Variants in NOXA1 observed in about 807,000 individuals in gnomAD.
NOXA1 encodes NADPH oxidase activator 1.
NOXA1 carries 56 observed loss-of-function variants against 64.8 expected under a neutral mutation model. That is an observed-to-expected ratio of 0.86 (90% CI 0.70 to 1.08). The LOEUF (loss-of-function observed/expected upper bound fraction) is 1.08. Among genes scored for constraint, NOXA1 ranks in the 50% least tolerant of loss-of-function variants. The pLI is 0.00. For synonymous variants in NOXA1, 295 were observed against 294.8 expected, an observed-to-expected ratio of 1.00 and a Z score of -0.01; for missense variants, 668 against 658.5, an observed-to-expected ratio of 1.01 and a Z score of -0.16.
chr9:137,432,192 A>C (rs1314627930), intron 8 of NOXA1, among the ~76,000 whole-genome samples: 1 of 146,646 alleles, frequency 6.8e-6, no homozygotes, highest in African/African-American at 2.5e-5. Context: ...AGGTGGAAGG[A>C]TTGCTTGAGC....
Position 137,431,716 on chromosome 9 carries a change from C to A in NOXA1, c.804+375C>A, listed in dbSNP as rs568802525. Among the ~76,000 whole-genome samples, 1 of 152,220 alleles carries A rather than the reference C, an allele frequency of 6.6e-6. No individual in the cohort carries two copies. The highest frequency in any genetic ancestry group is 1.9e-4 in the East Asian group (1 of 5,180). Reference sequence around the variant, plus strand: ...GGAGGCAGGACAGCTCTGGAGGGGCCCCAAGGCTCCCGCCCCCCATGGGGG... The same window carrying A: ...GGAGGCAGGACAGCTCTGGAGGGGCACCAAGGCTCCCGCCCCCCATGGGGG... On this transcript the variant is annotated intron_variant, in intron 8 of 13. Transcript: ENST00000683555. This position sits in a 1 kb window ranked among gnomAD's most constrained non-coding sequence, Gnocchi z 5.6.
chr9:137,431,941 C>T lies in NOXA1; in HGVS notation c.804+600C>T, dbSNP rs114524064. Among the ~76,000 whole-genome samples the T allele has an allele frequency of 0.013, 1,902 of 150,938 alleles. 42 individuals carry two copies. Among genetic ancestry groups the T allele is most frequent in the African/African-American group, 0.044 (1,760 of 40,420 alleles). On this transcript the variant is annotated intron_variant, in intron 8 of 13. Coordinates refer to ENST00000683555, the MANE Select transcript of NOXA1 (RefSeq NM_001256067.2). The surrounding 1 kb of genome is among the most constrained non-coding windows in gnomAD (Gnocchi z 5.6). ...ATGCGATCAGGAAGCAGCCCCGGCA[C>T]TCTCTCTTTATGGATGCCCACTTCC...
rs571539907 is a variant in NOXA1 at position 137,426,524 on chromosome 9, G to A, written c.260+194G>A. Among the ~76,000 whole-genome samples the A allele has an allele frequency of 7.2e-5, 11 of 152,206 alleles. No individual in the cohort carries two copies. The East Asian group carries it at 7.8e-4, about 11-fold the overall frequency. ...TGAGCGCCACCCTTGGACACAGGTC[G>A]TGGGGTCCTCACTGCTTACCTGGGC... is the stretch of plus-strand genomic sequence containing the variant. On this transcript the variant is annotated intron_variant, in intron 2 of 13. Coordinates refer to ENST00000683555, the MANE Select transcript of NOXA1 (RefSeq NM_001256067.2).
chr9:137,423,455 C>A lies in NOXA1; in HGVS notation c.-75C>A. The A allele has an allele frequency of 9.6e-7, 1 of 1,041,708 alleles. No individual in the cohort carries two copies. The highest frequency in any genetic ancestry group is 1.2e-6 in the Non-Finnish European group (1 of 826,866). The allele number at this position is 1,041,708 out of a possible 1,614,324, so 64.5% of individuals were successfully genotyped here. A position where few individuals can be genotyped will look rare whatever the true frequency, so the allele number is the denominator to read the frequency against. Reference sequence around the variant, plus strand: ...GCCCGCCTCGGAGACCCCGCAGCCCCGCGCCGCCGCCTGGCCCCGGCCCCG... The same window carrying A: ...GCCCGCCTCGGAGACCCCGCAGCCCAGCGCCGCCGCCTGGCCCCGGCCCCG... On this transcript the variant is annotated 5_prime_UTR_variant, in exon 1 of 14. Coordinates refer to ENST00000683555, the MANE Select transcript of NOXA1 (RefSeq NM_001256067.2).
chr9:137,432,362 A>G (rs900232692), intron 8 of NOXA1, among the ~76,000 whole-genome samples: 2 of 151,922 alleles, frequency 1.3e-5, no homozygotes, highest in East Asian at 3.9e-4. Context: ...GGCGGATCAC[A>G]AGATCAGGAG....
chr9:137,428,807 G>A (rs1291815515), intron 3 of NOXA1, 75 bp from the exon 4 acceptor site: 58 of 1,450,584 alleles, frequency 4.0e-5, no homozygotes, highest in Non-Finnish European at 5.0e-5. Context: ...ACCGAGGGAG[G>A]AGCTGGGTGG....
rs1186585314 is a variant in NOXA1, at chr9:137,433,504, G to A, written c.961G>A (p.Ala321Thr). ...CCTGGTGACTGTCACCGTGCAGTGC[G>A]CCTTCACAGTGGCCCTGAGGGCACG... ...EPLVTVTVQC[A>T]FTVALRARRG... The change falls in exon 11 of 14, where the codon GCC becomes ACC. Residue 321 changes from alanine (A) to threonine (T), a missense_variant. Ala to Thr is a moderately conservative substitution (Grantham distance 58). Coordinates refer to ENST00000683555, the MANE Select transcript of NOXA1 (RefSeq NM_001256067.2). 7 of 1,603,410 alleles carry A rather than the reference G, an allele frequency of 4.4e-6. No individual in the cohort carries two copies. Among genetic ancestry groups the A allele is most frequent in the Admixed American group, 3.4e-5 (2 of 59,474 alleles).
At chr9:137,424,970 C>A (rs11507672) in intron 1 of NOXA1, among the ~76,000 whole-genome samples, 113 of 152,330 alleles carry the variant, frequency 7.4e-4, no homozygotes, top group South Asian at 2.1e-3. Flanking sequence ...TTCATAAAGC[C>A]GATCACGTGA....
Position 137,431,245 on chromosome 9 carries a change from C to T in NOXA1, c.708C>T (p.Ile236=), listed in dbSNP as rs200977764. The T allele has an allele frequency of 4.1e-5, 66 of 1,612,646 alleles. No individual in the cohort carries two copies. The East Asian group carries it at 1.2e-3, about 31-fold the overall frequency. The part of the protein sequence containing the change: ...PGANHDARSL[I]MDSPRAGTHQ... ...TCCCTCCTCTCCCTAGGTCCCTAAT[C>T]ATGGACTCCCCAAGAGCTGGCACCC... Residue 236 remains isoleucine (I), a synonymous_variant, in exon 8 of 14, where the codon ATC becomes ATT. Coordinates refer to ENST00000683555, the MANE Select transcript of NOXA1 (RefSeq NM_001256067.2). The surrounding 1 kb of genome is among the most constrained non-coding windows in gnomAD (Gnocchi z 5.6).
Position 137,431,391 on chromosome 9 carries a change from C to A in NOXA1, c.804+50C>A. 1 of 1,439,538 alleles carries A rather than the reference C, an allele frequency of 6.9e-7. No homozygotes were observed. Among genetic ancestry groups the A allele is most frequent in the Non-Finnish European group, 9.7e-7 (1 of 1,035,482 alleles). The allele number at this position is 1,439,538 out of a possible 1,614,324, so 89.2% of individuals were successfully genotyped here. A position where few individuals can be genotyped will look rare whatever the true frequency, so the allele number is the denominator to read the frequency against. On this transcript the variant is annotated intron_variant, in intron 8 of 13. Transcript: ENST00000683555. The surrounding 1 kb of genome is among the most constrained non-coding windows in gnomAD (Gnocchi z 5.6). ...CTGCTGGGGGTCGGTGCTTCTGCTG[C>A]CTCCGCAGACTGGGGACCACAATGG...
Position 137,433,262 on chromosome 9 carries a change from G to A in NOXA1, c.908G>A (p.Gly303Glu), listed in dbSNP as rs763668069. The A allele has an allele frequency of 8.2e-6, 13 of 1,585,622 alleles. No individual in the cohort carries two copies. The Admixed American group carries it at 2.0e-4, about 25-fold the overall frequency. The change falls in exon 10 of 14, where the codon GGG (glycine) becomes GAG (glutamate). Residue 303 changes from glycine (G) to glutamate (E), a missense_variant and splice_region_variant. Coordinates refer to ENST00000683555, the MANE Select transcript of NOXA1 (RefSeq NM_001256067.2). Reference sequence around the variant, plus strand: ...CCCTGTGAGGACCCCGCGGGTGCTGGGGTAAGAGGCTCTAGACCCTTCACC... The same window carrying A: ...CCCTGTGAGGACCCCGCGGGTGCTGAGGTAAGAGGCTCTAGACCCTTCACC... Reference protein sequence around the residue: ...PGPCEDPAGAGGAGAGGSEPL... With the variant: ...PGPCEDPAGAEGAGAGGSEPL...
Position 137,434,334 on chromosome 9 carries a change from C to G in NOXA1, c.1405C>G (p.Arg469Gly). Residue 469 changes from arginine (R) to glycine (G), a missense_variant, in exon 14 of 14, where the codon CGA (arginine) becomes GGA (glycine). Physicochemically the swap from Arg to Gly is moderately radical, Grantham distance 125. Coordinates refer to ENST00000683555, the MANE Select transcript of NOXA1 (RefSeq NM_001256067.2). ...RMSGAPGRLP[R>G]SQQGDQP is the part of the protein sequence containing the mutation. Reference sequence around the variant, plus strand: ...GTCAGGAGCCCCCGGCCGCCTGCCCCGATCCCAGCAGGGAGATCAGCCCTA... The same window carrying G: ...GTCAGGAGCCCCCGGCCGCCTGCCCGGATCCCAGCAGGGAGATCAGCCCTA... 1 of 1,605,112 alleles carries G rather than the reference C, an allele frequency of 6.2e-7. No homozygotes were observed. The highest frequency in any genetic ancestry group is 2.2e-5 in the East Asian group (1 of 44,774).
At position 137,434,251 on chromosome 9, in the gene NOXA1, G is replaced by C. The variant is rs774946221; in HGVS notation, c.1322G>C (p.Cys441Ser). 6.2e-7 allele frequency: 1 copy of C among 1,610,752 alleles called. No homozygotes were observed. The highest frequency in any genetic ancestry group is 1.7e-5 in the Admixed American group (1 of 59,982). ...EVDQAWLEGH[C>S]DGRIGIFPKC... ...GACCAGGCATGGCTGGAGGGCCACT[G>C]TGACGGCCGCATCGGCATCTTCCCC... Residue 441 changes from cysteine to serine, a missense_variant, in exon 14 of 14, where the codon TGT becomes TCT. By Grantham distance (112) the Cys-to-Ser change is moderately radical. Transcript: ENST00000683555.
At chr9:137,429,161 C>A in intron 4 of NOXA1, 115 bp from the exon 5 acceptor site, 1 of 1,061,242 alleles carries the variant, frequency 9.4e-7, no homozygotes, top group Non-Finnish European at 1.3e-6. Context: ...CTGTGACCTG[C>A]GGGAAGGGGG....
At chr9:137,428,693 G>C (rs1188393025) in intron 3 of NOXA1, among the ~76,000 whole-genome samples, 189 bp from the exon 4 acceptor site, 2 of 142,752 alleles carry the variant, frequency 1.4e-5, no homozygotes, top group African/African-American at 2.6e-5. Context: ...GGAGCTGGGT[G>C]GGGAGACGGG....
At position 137,423,602 on chromosome 9, in the gene NOXA1, C is replaced by G; in HGVS notation, c.73C>G (p.Arg25Gly). Residue 25 changes from arginine to glycine, a missense_variant, in exon 1 of 14, where the codon CGC becomes GGC. Arg to Gly is a moderately radical substitution (Grantham distance 125). Transcript: ENST00000683555. ...AQAVDRGDWA[R>G]ALHLFSGVPA... ...GGCTGTGGATCGTGGGGACTGGGCCCGCGCCTTGCACCTCTTCTCGGGCGT... is the reference window on the plus strand; with the variant it reads ...GGCTGTGGATCGTGGGGACTGGGCCGGCGCCTTGCACCTCTTCTCGGGCGT... The G allele has an allele frequency of 6.8e-7, 1 of 1,478,112 alleles. No individual in the cohort carries two copies. Among genetic ancestry groups the G allele is most frequent in the East Asian group, 2.9e-5 (1 of 34,478 alleles). 91.6% of individuals were successfully genotyped at this position (1,478,112 alleles called of 1,614,324 possible).
rs2131889916 is a variant in NOXA1 at position 137,431,571 on chromosome 9, G to A, written c.804+230G>A. ...CAGGACAGGAGAGAGGTGGTGTCCAGTGGAGACATCCACGTAGCCCTGCAG... is the reference window on the plus strand; with the variant it reads ...CAGGACAGGAGAGAGGTGGTGTCCAATGGAGACATCCACGTAGCCCTGCAG... On this transcript the variant is annotated intron_variant, in intron 8 of 13. Coordinates refer to ENST00000683555, the MANE Select transcript of NOXA1 (RefSeq NM_001256067.2). This position sits in a 1 kb window ranked among gnomAD's most constrained non-coding sequence, Gnocchi z 5.6. Among the ~76,000 whole-genome samples, 1 of 152,326 alleles carries A rather than the reference G, an allele frequency of 6.6e-6. No homozygotes were observed. The highest frequency in any genetic ancestry group is 2.4e-5 in the African/African-American group (1 of 41,580).
intron 8 of NOXA1, among the ~76,000 whole-genome samples, chr9:137,432,626 G>C (rs1839157358): frequency 6.6e-6 from 1 of 152,214 alleles, no homozygotes; most frequent in South Asian, 2.1e-4. Flanking sequence ...CCAGCGCTGG[G>C]CTGTGACTTT....
chr9:137,433,699 C>T (rs1839226436), intron 11 of NOXA1, 51 bp from the exon 12 acceptor site: 1 of 1,492,302 alleles, frequency 6.7e-7, no homozygotes, highest in Non-Finnish European at 9.0e-7. Context: ...AGGTCACTGC[C>T]CTCCCTGCAG....
Sources: gnomAD v4.1 joint callset for allele counts (sites outside exome capture counted in the v4.1 genomes callset) on GRCh38, gnomAD v4.1.1 for gene constraint, Gnocchi (gnomAD v3.1) non-coding constraint, MANE v1.5 for transcripts, NCBI Gene and HGNC (gene_info 2026-07-23, HGNC 2026-07-21) for gene names.